Variants in BIN3 observed in about 807,000 individuals in gnomAD.
The protein encoded by BIN3 is bridging integrator 3.
A neutral mutation model predicts 38.2 loss-of-function variants in BIN3; 41 were observed. The ratio of observed to expected loss-of-function variants is 1.07; its 90% CI spans 0.84 to 1.39. The LOEUF (loss-of-function observed/expected upper bound fraction) is 1.39, where lower values mean the gene tolerates loss of function less well. Among genes scored for constraint, BIN3 ranks in the 40% most tolerant of loss-of-function variants. The pLI is 0.00. For synonymous variants in BIN3, 145 were observed against 122.6 expected (o/e 1.18, Z -1.21); for missense variants, 361 against 324.3 (o/e 1.11, Z -0.87).
chr8:22,664,341 TCACA>T, intron 1 of BIN3, among the ~76,000 whole-genome samples: 1 of 152,172 alleles, frequency 6.6e-6, no homozygotes, highest in Non-Finnish European at 1.5e-5. Context: ...ATACAGAATC[TCACA>T]GACATTTTAT....
intron 1 of BIN3, among the ~76,000 whole-genome samples, chr8:22,668,781 G>A (rs1803511365): frequency 6.6e-6 from 1 of 152,244 alleles, no homozygotes; most frequent in South Asian, 2.1e-4. Flanking sequence ...AAGGAGCTAG[G>A]AGGACGCGAG....
chr8:22,650,753 A>C (rs1294649064), intron 1 of BIN3, among the ~76,000 whole-genome samples: 1 of 152,234 alleles, frequency 6.6e-6, no homozygotes, highest in Non-Finnish European at 1.5e-5. Context: ...TTAGGTTTTT[A>C]GGCACTAAAA....
chr8:22,628,438 G>A (rs955099726), intron 6 of BIN3, among the ~76,000 whole-genome samples: 1 of 152,204 alleles, frequency 6.6e-6, no homozygotes, highest in African/African-American at 2.4e-5. Context: ...TCGTATGTCA[G>A]CTGTGGGGAT....
intron 1 of BIN3, among the ~76,000 whole-genome samples, chr8:22,667,720 C>T (rs1471633866): frequency 6.6e-6 from 1 of 152,186 alleles, no homozygotes; most frequent in African/African-American, 2.4e-5. Context: ...AAAGCAGAAG[C>T]TCCTGCCGGG....
chr8:22,623,835 C>T, intron 8 of BIN3, 80 bp downstream of exon 8: 2 of 1,501,688 alleles, frequency 1.3e-6, no homozygotes, highest in African/African-American at 1.4e-5. Flanking sequence ...AATGGCTAAG[C>T]CACCCTTCCA....
Position 22,621,242 on chromosome 8 carries a change from ACGG to A in BIN3, c.*177_*179del, listed in dbSNP as rs553792477. 2.7e-4 allele frequency: 206 copies of A among 757,638 alleles called. 2 individuals carry two copies. In the African/African-American group the frequency reaches 3.2e-3, roughly 12 times the overall value. 46.9% of individuals were successfully genotyped at this position (757,638 alleles called of 1,614,324 possible). A position where few individuals can be genotyped will look rare whatever the true frequency, so the allele number is the denominator to read the frequency against. On this transcript the variant is annotated 3_prime_UTR_variant, in exon 9 of 9. Coordinates refer to ENST00000276416, the MANE Select transcript of BIN3 (RefSeq NM_018688.6). ...ACCTGCTGGGGCTGTGAGTGGGGAGACGGCGGCCTGCCTAGGGCTCCTGGTGCC... is the reference window on the plus strand; with the variant it reads ...ACCTGCTGGGGCTGTGAGTGGGGAGACGGCCTGCCTAGGGCTCCTGGTGCC...
intron 1 of BIN3, among the ~76,000 whole-genome samples, chr8:22,647,217 C>T (rs1190847171): frequency 2.0e-5 from 3 of 152,208 alleles, no homozygotes; most frequent in Admixed American, 6.5e-5. Flanking sequence ...GTCTTCAAAA[C>T]GATTCTTGGA....
chr8:22,662,181 C>T (rs183575225), intron 1 of BIN3, among the ~76,000 whole-genome samples: 11 of 152,228 alleles, frequency 7.2e-5, no homozygotes, highest in Admixed American at 2.0e-4. Context: ...GCCCCTCACA[C>T]TCCTGGCATG....
intron 1 of BIN3, among the ~76,000 whole-genome samples, chr8:22,653,505 C>T (rs7844417): frequency 0.01 from 1,549 of 152,210 alleles, 26 homozygotes; most frequent in African/African-American, 0.034. Context: ...AAAAGGTAAC[C>T]GTTACACATT....
chr8:22,646,632 T>C (rs1297809615), intron 1 of BIN3, among the ~76,000 whole-genome samples: 1 of 152,220 alleles, frequency 6.6e-6, no homozygotes, highest in Non-Finnish European at 1.5e-5. Flanking sequence ...GGCTGGCTGA[T>C]TCGCATCTTC....
intron 2 of BIN3, among the ~76,000 whole-genome samples, chr8:22,640,348 T>A (rs532247029): frequency 6.9e-6 from 1 of 145,330 alleles, no homozygotes; most frequent in African/African-American, 2.5e-5. Context: ...CCCGGCTAAT[T>A]TTTGAATTTT....
At chr8:22,631,161 C>CA (rs1303604835) in intron 4 of BIN3, among the ~76,000 whole-genome samples, 2 of 152,146 alleles carry the variant, frequency 1.3e-5, no homozygotes, top group African/African-American at 4.8e-5. Flanking sequence ...ACTTTATTGA[C>CA]AAAACTAGGT....
At chr8:22,645,668 G>T (rs78542994) in intron 1 of BIN3, among the ~76,000 whole-genome samples, 5,004 of 148,066 alleles carry the variant, frequency 0.034, 291 homozygotes, top group African/African-American at 0.12. Flanking sequence ...TCTTGAGGAG[G>T]TGCAAACTCA....
chr8:22,659,678 C>T (rs115357517), intron 1 of BIN3, among the ~76,000 whole-genome samples: 2,962 of 152,296 alleles, frequency 0.019, 97 homozygotes, highest in African/African-American at 0.067. Context: ...GGGATGGGCC[C>T]TGGAGCCAGA....
At chr8:22,645,026 T>TCTGCCCCAGAACATCTTTGCTACAAC in intron 1 of BIN3, 1 of 496,358 alleles carries the variant, frequency 2.0e-6, no homozygotes, top group Non-Finnish European at 3.7e-6. Context: ...TGCAGGTTGC[T>TCTGCCCCAGAACATCTTTGCTACAAC]CTGCCCCAGA....
chr8:22,639,419 A>G (rs2117543556), intron 2 of BIN3, among the ~76,000 whole-genome samples: 1 of 152,150 alleles, frequency 6.6e-6, no homozygotes, highest in South Asian at 2.1e-4. Flanking sequence ...TTTAGTGGAG[A>G]CGGGATTTTG....
At position 22,636,921 on chromosome 8, in the gene BIN3, C is replaced by A; in HGVS notation, c.98+1G>T. The A allele has an allele frequency of 6.2e-7, 1 of 1,612,654 alleles. No homozygotes were observed. The highest frequency in any genetic ancestry group is 8.5e-7 in the Non-Finnish European group (1 of 1,178,686). On this transcript the variant is annotated splice_donor_variant, in intron 3 of 8. Coordinates refer to ENST00000276416, the MANE Select transcript of BIN3 (RefSeq NM_018688.6). LOFTEE classifies it high-confidence loss of function. ...CTCATCTTTCTGGGGTTGACACTCA[C>A]TGCTGAAGTTTTCCATACTCCCTTT... is the stretch of plus-strand genomic sequence containing the variant.
intron 4 of BIN3, among the ~76,000 whole-genome samples, chr8:22,633,978 G>T (rs1055452496): frequency 5.9e-5 from 9 of 152,214 alleles, no homozygotes; most frequent in African/African-American, 2.2e-4. Context: ...TGGTTTCTCT[G>T]CTGGGAAACT....
chr8:22,656,075 C>T (rs1039228442), intron 1 of BIN3, among the ~76,000 whole-genome samples: 2 of 152,042 alleles, frequency 1.3e-5, no homozygotes, highest in Non-Finnish European at 2.9e-5. Flanking sequence ...TGCTCTCACC[C>T]CCACACCTAA....
Sources: allele counts gnomAD v4.1 joint callset (sites outside exome capture counted in the v4.1 genomes callset), GRCh38; gene constraint gnomAD v4.1.1; transcripts MANE v1.5; gene names NCBI Gene and HGNC (gene_info 2026-07-23, HGNC 2026-07-21).